EXOC4: variants seen among roughly 807,000 people sequenced by gnomAD.
EXOC4 encodes the protein exocyst complex component 4.
A neutral mutation model predicts 107.2 loss-of-function variants in EXOC4; 71 were observed. That is an observed-to-expected ratio of 0.66 (90% CI 0.55 to 0.81). EXOC4 has a LOEUF of 0.81. EXOC4 is among the 30% of genes least tolerant of loss of function. EXOC4 has a pLI of 0.00. For synonymous variants in EXOC4, 456 were observed against 441.2 expected, an observed-to-expected ratio of 1.03 and a Z score of -0.42; for missense variants, 1,108 against 1,189.6, an observed-to-expected ratio of 0.93 and a Z score of 1.01.
At chr7:133,828,777 A>G (rs1797751913) in intron 11 of EXOC4, among the ~76,000 whole-genome samples, 1 of 152,190 alleles carries the variant, frequency 6.6e-6, no homozygotes, top group African/African-American at 2.4e-5. Context: ...GAAATGATTA[A>G]TATTTATTCG....
At chr7:133,807,965 G>A (rs555756357) in intron 10 of EXOC4, among the ~76,000 whole-genome samples, 2 of 152,162 alleles carry the variant, frequency 1.3e-5, no homozygotes, top group South Asian at 4.2e-4. Context: ...AGCCTGCAGC[G>A]TCCAAATTTT....
chr7:133,669,011 T>TTTTTTA (rs1793880628), intron 10 of EXOC4, among the ~76,000 whole-genome samples: 1 of 150,422 alleles, frequency 6.6e-6, no homozygotes, highest in Non-Finnish European at 1.5e-5. Context: ...CCAATTTTTT[T>TTTTTTA]TTTTTTTTTT....
At chr7:133,515,752 A>G (rs139844364) in intron 9 of EXOC4, among the ~76,000 whole-genome samples, 11 of 152,262 alleles carry the variant, frequency 7.2e-5, no homozygotes, top group African/African-American at 2.6e-4. Context: ...TCCAGGGGTG[A>G]GCCAGAGTTC....
chr7:133,707,624 TA>T (rs1227079323), intron 10 of EXOC4, among the ~76,000 whole-genome samples: 59 of 152,150 alleles, frequency 3.9e-4, no homozygotes, highest in African/African-American at 1.2e-3. Context: ...TTTATTTATT[TA>T]TTTTTTTTGA....
At chr7:133,930,664 T>TATCC (rs751776402) in intron 13 of EXOC4, 1 of 152,082 alleles carries the variant, frequency 6.6e-6, no homozygotes, top group East Asian at 1.9e-4. Flanking sequence ...ACTCCCCGTG[T>TATCC]ATCCCCTCCT....
At chr7:134,096,383 G>A in the EXOC4 span, among the ~76,000 whole-genome samples, 2 of 152,134 alleles carry the variant, frequency 1.3e-5, no homozygotes, top group African/African-American at 4.8e-5. Context: ...TTCTCTACTG[G>A]GTAGAGGATT....
At chr7:133,888,210 G>C (rs1055979743) in intron 11 of EXOC4, among the ~76,000 whole-genome samples, 1 of 152,060 alleles carries the variant, frequency 6.6e-6, no homozygotes, top group South Asian at 2.1e-4. Flanking sequence ...GTTGAGAAGA[G>C]CTATACACCT....
chr7:133,307,829 T>C (rs1047312949), intron 4 of EXOC4, among the ~76,000 whole-genome samples: 1 of 152,204 alleles, frequency 6.6e-6, no homozygotes, highest in Non-Finnish European at 1.5e-5. Flanking sequence ...AAGAGACACA[T>C]GGAACTGACT....
At chr7:133,544,562 CAG>C (rs1800443167) in intron 9 of EXOC4, among the ~76,000 whole-genome samples, 2 of 152,120 alleles carry the variant, frequency 1.3e-5, no homozygotes. Context: ...GGTCACCTAA[CAG>C]TGTCAAATGC....
chr7:133,486,247 T>C (rs1253656253), intron 9 of EXOC4, among the ~76,000 whole-genome samples: 1 of 152,210 alleles, frequency 6.6e-6, no homozygotes, highest in Admixed American at 6.5e-5. Flanking sequence ...AATACTTGTA[T>C]GTAATTAATC....
chr7:133,606,584 G>C (rs747518836), intron 9 of EXOC4, among the ~76,000 whole-genome samples: 2 of 149,560 alleles, frequency 1.3e-5, no homozygotes, highest in Non-Finnish European at 3.0e-5. Context: ...GTGCATTCTC[G>C]GCTCACTGAA....
At chr7:133,390,809 C>T (rs1796835825) in intron 7 of EXOC4, among the ~76,000 whole-genome samples, 1 of 152,190 alleles carries the variant, frequency 6.6e-6, no homozygotes, top group Non-Finnish European at 1.5e-5. Flanking sequence ...TCAGAAATAT[C>T]CCTTAACCTG....
At chr7:133,589,619 A>C (rs753388610) in intron 9 of EXOC4, among the ~76,000 whole-genome samples, 6 of 152,320 alleles carry the variant, frequency 3.9e-5, no homozygotes, top group Middle Eastern at 3.4e-3. Context: ...GCTCAACTTT[A>C]ATTTTCCAGT....
intron 14 of EXOC4, among the ~76,000 whole-genome samples, chr7:133,995,156 C>T (rs1178427405): frequency 6.6e-6 from 1 of 152,154 alleles, no homozygotes. Context: ...CTAATCTTGC[C>T]ATAGACTTAC....
chr7:133,675,666 T>C, intron 10 of EXOC4, among the ~76,000 whole-genome samples: 1 of 152,198 alleles, frequency 6.6e-6, no homozygotes, highest in Non-Finnish European at 1.5e-5. Flanking sequence ...TAGAGCAGAC[T>C]ACATATCTGA....
At position 133,424,256 on chromosome 7, in the gene EXOC4, A is replaced by G. The variant is rs138208607; in HGVS notation, c.1182+49254A>G. Among the ~76,000 whole-genome samples, 440 of 152,176 alleles carry G rather than the reference A, an allele frequency of 2.9e-3. 3 individuals carry two copies. Among genetic ancestry groups the G allele is most frequent in the African/African-American group, 0.01 (420 of 41,534 alleles). On this transcript the variant is annotated intron_variant, in intron 7 of 17. Transcript: ENST00000253861. ...GGTGCCTGCCGCCTTTATGAGCTGT[A>G]ACACTCTTATGAGCTGTAACACTCA...
At chr7:133,474,230 A>T (rs1353797951) in intron 7 of EXOC4, among the ~76,000 whole-genome samples, 1 of 152,124 alleles carries the variant, frequency 6.6e-6, no homozygotes, top group East Asian at 1.9e-4. Context: ...TAGTGTATCT[A>T]TTATGGGTTT....
At chr7:133,309,069 A>G (rs1794813702) in intron 4 of EXOC4, among the ~76,000 whole-genome samples, 1 of 152,180 alleles carries the variant, frequency 6.6e-6, no homozygotes, top group Non-Finnish European at 1.5e-5. Flanking sequence ...TCTGGGACAT[A>G]GATTGGTGCC....
chr7:133,492,939 C>T (rs909440316), intron 9 of EXOC4, among the ~76,000 whole-genome samples: 3 of 139,114 alleles, frequency 2.2e-5, no homozygotes, highest in Admixed American at 7.5e-5. Context: ...ATGTTCCTCA[C>T]AGCAGAGTCT....
Sources: gnomAD v4.1 joint callset for allele counts (sites outside exome capture counted in the v4.1 genomes callset) on GRCh38, gnomAD v4.1.1 for gene constraint, MANE v1.5 for transcripts, NCBI Gene and HGNC (gene_info 2026-07-23, HGNC 2026-07-21) for gene names.